The following MATR3 variants were observed in gnomAD, a reference collection of about 807,000 sequenced individuals.
MATR3 encodes matrin 3.
A neutral mutation model predicts 85.5 loss-of-function variants in MATR3; 4 were observed. The observed-to-expected ratio is 0.05, with a 90% CI of 0.02 to 0.11. MATR3 has a LOEUF of 0.11. MATR3 is among the 10% of genes least tolerant of loss of function. MATR3 has a pLI of 1.00. For synonymous variants in MATR3, 336 were observed against 343.1 expected, an observed-to-expected ratio of 0.98 and a Z score of 0.23; for missense variants, 685 against 1,016.1, an observed-to-expected ratio of 0.67 and a Z score of 4.43.
chr5:139,317,492 C>T lies in MATR3; in HGVS notation c.1183-104C>T, dbSNP rs1158986857. 11 of 1,136,900 alleles carry T rather than the reference C, an allele frequency of 9.7e-6. No individual in the cohort carries two copies. The South Asian group carries it at 1.4e-4, about 15-fold the overall frequency. 70.4% of individuals were successfully genotyped at this position (1,136,900 alleles called of 1,614,324 possible). A position where few individuals can be genotyped will look rare whatever the true frequency, so the allele number is the denominator to read the frequency against. On this transcript the variant is annotated intron_variant, in intron 6 of 14. Coordinates refer to ENST00000394805, the MANE Select transcript of MATR3 (RefSeq NM_018834.6). ...AGAATGTTATGAGTTGTTTTACTTA[C>T]ACTCTCCTGGTTAATTATAGATTAT...
chr5:139,303,446 A>G (rs899442992), intron 1 of MATR3, among the ~76,000 whole-genome samples: 2 of 152,230 alleles, frequency 1.3e-5, no homozygotes, highest in African/African-American at 2.4e-5. Context: ...AGTTGAGAGC[A>G]TAGCTGAAGA....
At chr5:139,316,283 T>C (rs191384758) in intron 5 of MATR3, 95 bp downstream of exon 5, 8 of 931,230 alleles carry the variant, frequency 8.6e-6, no homozygotes, top group Admixed American at 6.0e-5. Flanking sequence ...TTTGCTCTTA[T>C]CGCCCAGGCT....
At chr5:139,292,239 G>A (rs1753899470), upstream of MATR3, among the ~76,000 whole-genome samples, 1 of 151,160 alleles carries the variant, frequency 6.6e-6, no homozygotes, top group African/African-American at 2.4e-5. Flanking sequence ...TGGGATTACA[G>A]GCGAGATCTA....
intron 3 of MATR3, among the ~76,000 whole-genome samples, chr5:139,286,391 G>A (rs1753704112): frequency 6.6e-6 from 1 of 151,792 alleles, no homozygotes; most frequent in Non-Finnish European, 1.5e-5. Context: ...TGTTGATCAG[G>A]CTGGTCTCGA....
At chr5:139,328,140 G>T (rs1581265725) in intron 14 of MATR3, among the ~76,000 whole-genome samples, 2 of 151,544 alleles carry the variant, frequency 1.3e-5, no homozygotes, top group Middle Eastern at 6.8e-3. Flanking sequence ...GGGATTACAG[G>T]CGTGAGCCAT....
At chr5:139,326,509 C>T (rs1030769866) in intron 14 of MATR3, among the ~76,000 whole-genome samples, 9 of 151,734 alleles carry the variant, frequency 5.9e-5, no homozygotes, top group Non-Finnish European at 8.8e-5. Flanking sequence ...CAACCTCTAC[C>T]TCCTGGGTTC....
chr5:139,308,146 A>T lies in MATR3; in HGVS notation c.731A>T (p.His244Leu). The T allele has an allele frequency of 6.2e-7, 1 of 1,614,092 alleles. No individual in the cohort carries two copies. The highest frequency in any genetic ancestry group is 8.5e-7 in the Non-Finnish European group (1 of 1,179,996). The change falls in exon 2 of 15, where the codon CAT becomes CTT. Residue 244 changes from histidine to leucine, a missense_variant. Around this residue, in one of 9 missense-constraint regions of MATR3, gnomAD observed 223 missense variants for 334.4 expected, o/e 0.67. Coordinates refer to ENST00000394805, the MANE Select transcript of MATR3 (RefSeq NM_018834.6). Reference protein sequence around the residue: ...SFFGETSHNYHKFDSEYERMG... With the variant: ...SFFGETSHNYLKFDSEYERMG... ...TTTGGTGAGACCTCGCATAACTATC[A>T]TAAATTTGACAGTGAGTATGAGAGA...
rs1314919388 is a variant in MATR3, at chr5:139,322,947, G to A, written c.2128G>A (p.Ala710Thr). 5.0e-6 allele frequency: 8 copies of A among 1,613,916 alleles called. No homozygotes were observed. The highest frequency in any genetic ancestry group is 1.3e-5 in the African/African-American group (1 of 74,908). ...AAAAGATGGAAGTGCTTCAGCAGCAGCAAAGAAAAAGCTTAAAAAGGTAAA... is the reference window on the plus strand; with the variant it reads ...AAAAGATGGAAGTGCTTCAGCAGCAACAAAGAAAAAGCTTAAAAAGGTAAA... ...VKKDGSASAA[A>T]KKKLKKVDKI... The change falls in exon 12 of 15, where the codon GCA (alanine) becomes ACA (threonine). Residue 710 changes from alanine to threonine, a missense_variant. By Grantham distance (58) the Ala-to-Thr change is moderately conservative. Around this residue, in one of 9 missense-constraint regions of MATR3, gnomAD observed 215 missense variants for 194.7 expected, o/e 1.10. Transcript: ENST00000394805.
chr5:139,316,160 A>G lies in MATR3; in HGVS notation c.1101A>G (p.Gly367=). ...GPPPPSFHLG[G]PAVGPRGNLG... ...CACCTCCCTCATTTCATCTTGGGGGACCAGCAGTTGGACCAAGAGGAAATC... is the reference window on the plus strand; with the variant it reads ...CACCTCCCTCATTTCATCTTGGGGGGCCAGCAGTTGGACCAAGAGGAAATC... Residue 367 remains glycine, a synonymous_variant, in exon 5 of 15, where the codon GGA becomes GGG. Coordinates refer to ENST00000394805, the MANE Select transcript of MATR3 (RefSeq NM_018834.6). 6.2e-7 allele frequency: 1 copy of G among 1,613,778 alleles called. No homozygotes were observed. The highest frequency in any genetic ancestry group is 8.5e-7 in the Non-Finnish European group (1 of 1,179,790).
chr5:139,282,415 C>T (rs1753564886), intron 3 of MATR3, among the ~76,000 whole-genome samples: 1 of 152,198 alleles, frequency 6.6e-6, no homozygotes, highest in Non-Finnish European at 1.5e-5. Context: ...GTTTGGTCTT[C>T]CTTGCCCTCC....
intron 3 of MATR3, 84 bp from the exon 4 acceptor site, chr5:139,315,613 T>A (rs539119006): frequency 2.4e-6 from 2 of 848,074 alleles, no homozygotes; most frequent in Admixed American, 3.5e-5. Context: ...TACTAATAAA[T>A]GATCTCTATT....
upstream of MATR3, among the ~76,000 whole-genome samples, chr5:139,291,116 T>C (rs1753858309): frequency 6.6e-6 from 1 of 152,074 alleles, no homozygotes; most frequent in Admixed American, 6.6e-5. Context: ...CAAGACCCTG[T>C]CTCCAAAAAT....
At position 139,330,799 on chromosome 5, in the gene MATR3, A is replaced by AT. The variant is rs560051803; in HGVS notation, c.*1413dup. ...TATATTGGATTATCTGTTGTAAACA[A>AT]TTTTTTTTTCTTCCCTGACACAGGG... is the stretch of plus-strand genomic sequence containing the variant. On this transcript the variant is annotated 3_prime_UTR_variant, in exon 15 of 15. Coordinates refer to ENST00000394805, the MANE Select transcript of MATR3 (RefSeq NM_018834.6). 1.3e-3 allele frequency: 567 copies of AT among 453,314 alleles called. 3 individuals carry two copies. The highest frequency in any genetic ancestry group is 8.4e-3 in the South Asian group (542 of 64,386). 28.1% of individuals were successfully genotyped at this position (453,314 alleles called of 1,614,324 possible). A position where few individuals can be genotyped will look rare whatever the true frequency, so the allele number is the denominator to read the frequency against.
chr5:139,317,796 G>T, intron 7 of MATR3, 75 bp downstream of exon 7: 2 of 1,392,342 alleles, frequency 1.4e-6, no homozygotes, highest in Non-Finnish European at 2.0e-6. Flanking sequence ...AAATGATTTT[G>T]TATTAGAAAA....
At chr5:139,323,796 C>T (rs767146901) in intron 12 of MATR3, among the ~76,000 whole-genome samples, 1 of 151,984 alleles carries the variant, frequency 6.6e-6, no homozygotes, top group Non-Finnish European at 1.5e-5. Context: ...AAGGCTGAGA[C>T]AGGAGAATTG....
At chr5:139,319,082 A>G in intron 8 of MATR3, 49 bp downstream of exon 8, 1 of 1,560,066 alleles carries the variant, frequency 6.4e-7, no homozygotes, top group Non-Finnish European at 8.8e-7. Flanking sequence ...AAATGATTTT[A>G]ATAGTTATTA....
intron 5 of MATR3, among the ~76,000 whole-genome samples, chr5:139,316,745 T>G (rs1755265081): frequency 6.6e-6 from 1 of 152,058 alleles, no homozygotes; most frequent in South Asian, 2.1e-4. Context: ...AGGCAGGGGT[T>G]TCGCGGTGTT....
At chr5:139,306,081 A>G (rs1754691709) in intron 1 of MATR3, among the ~76,000 whole-genome samples, 1 of 152,154 alleles carries the variant, frequency 6.6e-6, no homozygotes, top group South Asian at 2.1e-4. Flanking sequence ...TCTGTACCAA[A>G]CAACTTCAGA....
At chr5:139,326,321 T>G in intron 14 of MATR3, 37 bp downstream of exon 14, 1 of 1,607,970 alleles carries the variant, frequency 6.2e-7, no homozygotes. Context: ...TTGTGAAAAC[T>G]TAACAAGTTA....
Sources: allele counts gnomAD v4.1 joint callset (sites outside exome capture counted in the v4.1 genomes callset), GRCh38; gene constraint gnomAD v4.1.1; regional missense constraint gnomAD v4.1.1; transcripts MANE v1.5; gene names NCBI Gene and HGNC (gene_info 2026-07-23, HGNC 2026-07-21).